BCKDHB: variants seen among roughly 807,000 people sequenced by gnomAD.
The protein encoded by BCKDHB is branched chain keto acid dehydrogenase E1 subunit beta.
BCKDHB carries 41 observed loss-of-function variants against 48.5 expected under a neutral mutation model. The observed-to-expected ratio is 0.85, with a 90% CI of 0.66 to 1.10. The LOEUF is 1.10. BCKDHB is among the 50% of genes least tolerant of loss of function. BCKDHB has a pLI of 0.00. For synonymous variants in BCKDHB, 201 were observed against 174.8 expected, an observed-to-expected ratio of 1.15 and a Z score of -1.18; for missense variants, 496 against 494.2, an observed-to-expected ratio of 1.00 and a Z score of -0.03.
In BCKDHB at chr6:80,143,725, G is replaced by A. The variant is rs573663856; in HGVS notation, c.343+14496G>A. ...CTGGTGAGCAGCTACACCCAAAGGC[G>A]GCTTTAGCAGTGAAATGCTTGACCT... On this transcript the variant is annotated intron_variant, in intron 3 of 9. Coordinates refer to ENST00000320393, the MANE Select transcript of BCKDHB (RefSeq NM_183050.4). Among the ~76,000 whole-genome samples the A allele has an allele frequency of 1.4e-4, 21 of 152,242 alleles. No homozygotes were observed. The South Asian group carries it at 4.1e-3, about 30-fold the overall frequency.
chr6:80,249,388 C>T (rs1776745379), intron 8 of BCKDHB, among the ~76,000 whole-genome samples: 1 of 152,052 alleles, frequency 6.6e-6, no homozygotes, highest in South Asian at 2.1e-4. Flanking sequence ...GTTTACTCCT[C>T]CATCCTGGAG....
At chr6:80,108,359 A>T (rs868676524) in intron 1 of BCKDHB, among the ~76,000 whole-genome samples, 3 of 151,150 alleles carry the variant, frequency 2.0e-5, no homozygotes, top group African/African-American at 7.3e-5. Context: ...CTGTCTTCAA[A>T]GCAAATTCTG....
intron 3 of BCKDHB, among the ~76,000 whole-genome samples, chr6:80,164,582 T>G (rs1490978453): frequency 6.6e-6 from 1 of 152,222 alleles, no homozygotes; most frequent in Non-Finnish European, 1.5e-5. Context: ...TGAGGAATGT[T>G]TTCGTTTTGT....
chr6:80,199,770 TCAAA>T (rs1562129748), intron 6 of BCKDHB, among the ~76,000 whole-genome samples: 1 of 39,632 alleles, frequency 2.5e-5, no homozygotes. Context: ...AGACTCTGTC[TCAAA>T]AAAAAAAAAA....
chr6:80,130,203 A>G (rs1314919223), intron 3 of BCKDHB, among the ~76,000 whole-genome samples: 1 of 152,100 alleles, frequency 6.6e-6, no homozygotes, highest in Non-Finnish European at 1.5e-5. Context: ...TTGACATTTT[A>G]TTTTTTGTCT....
chr6:80,275,661 A>C (rs948129960), intron 9 of BCKDHB, among the ~76,000 whole-genome samples: 1 of 151,986 alleles, frequency 6.6e-6, no homozygotes, highest in African/African-American at 2.4e-5. Flanking sequence ...TAGAAAAAAA[A>C]CTAGACACTT....
intron 8 of BCKDHB, among the ~76,000 whole-genome samples, chr6:80,214,451 T>A (rs1775076935): frequency 6.6e-6 from 1 of 152,354 alleles, no homozygotes; most frequent in Non-Finnish European, 1.5e-5. Flanking sequence ...TTACTTGAAC[T>A]TAAGTGAATA....
chr6:80,345,082 T>A lies in BCKDHB; in HGVS notation c.*1278T>A, dbSNP rs1158233001. ...TTTTTACATAATGGATAATAAATGGTATTTATTCATCATGATTTTCTAAGT... is the reference window on the plus strand; with the variant it reads ...TTTTTACATAATGGATAATAAATGGAATTTATTCATCATGATTTTCTAAGT... On this transcript the variant is annotated 3_prime_UTR_variant, in exon 10 of 10. Coordinates refer to ENST00000320393, the MANE Select transcript of BCKDHB (RefSeq NM_183050.4). 3 of 152,202 alleles carry A rather than the reference T, an allele frequency of 2.0e-5. No individual in the cohort carries two copies. Among genetic ancestry groups the A allele is most frequent in the African/African-American group, 7.2e-5 (3 of 41,456 alleles). 9.4% of individuals were successfully genotyped at this position (152,202 alleles called of 1,614,324 possible). A position where few individuals can be genotyped will look rare whatever the true frequency, so the allele number is the denominator to read the frequency against.
the BCKDHB span, among the ~76,000 whole-genome samples, chr6:80,381,411 A>C: frequency 6.6e-6 from 1 of 152,070 alleles, no homozygotes; most frequent in Non-Finnish European, 1.5e-5. Context: ...ACAATCGATA[A>C]AGCCATAAAC....
At chr6:80,325,791 C>A (rs1185451017) in intron 9 of BCKDHB, among the ~76,000 whole-genome samples, 1 of 152,126 alleles carries the variant, frequency 6.6e-6, no homozygotes, top group Non-Finnish European at 1.5e-5. Flanking sequence ...AATCTCATAA[C>A]CCCAGTTCAG....
chr6:80,402,041 A>G, the BCKDHB span, among the ~76,000 whole-genome samples: 2 of 151,824 alleles, frequency 1.3e-5, no homozygotes, highest in African/African-American at 4.8e-5. Flanking sequence ...CTGTTTCCAT[A>G]TCTTGATTAT....
intron 9 of BCKDHB, among the ~76,000 whole-genome samples, chr6:80,322,539 C>T (rs773745543): frequency 9.2e-5 from 14 of 152,158 alleles, no homozygotes; most frequent in South Asian, 2.1e-4. Flanking sequence ...ACCTGGCAGA[C>T]GTGTGTTTTC....
At chr6:80,118,593 T>C (rs143008153) in intron 1 of BCKDHB, among the ~76,000 whole-genome samples, 223 of 152,250 alleles carry the variant, frequency 1.5e-3, no homozygotes, top group African/African-American at 5.3e-3. Context: ...GATTTCTCTG[T>C]AGCATGAGAT....
intron 9 of BCKDHB, among the ~76,000 whole-genome samples, chr6:80,320,511 T>G (rs1768668131): frequency 6.6e-6 from 1 of 152,206 alleles, no homozygotes; most frequent in Non-Finnish European, 1.5e-5. Flanking sequence ...TCATTTCTAG[T>G]TCTTCACTAA....
At chr6:80,232,307 T>A (rs62408577) in intron 8 of BCKDHB, among the ~76,000 whole-genome samples, 49,512 of 151,202 alleles carry the variant, frequency 0.33, 8,711 homozygotes, top group Non-Finnish European at 0.41. Context: ...TACTTCTGAT[T>A]GGGAAACCAG....
At chr6:80,128,440 A>G (rs1217512709) in intron 2 of BCKDHB, among the ~76,000 whole-genome samples, 2 of 152,136 alleles carry the variant, frequency 1.3e-5, no homozygotes, top group African/African-American at 4.8e-5. Context: ...AGGTACGTTT[A>G]TGAGACTAGC....
chr6:80,235,283 A>G (rs1776103786), intron 8 of BCKDHB, among the ~76,000 whole-genome samples: 1 of 152,176 alleles, frequency 6.6e-6, no homozygotes, highest in East Asian at 1.9e-4. Flanking sequence ...AATATGTACA[A>G]CTGTTATGTG....
the BCKDHB span, among the ~76,000 whole-genome samples, chr6:80,413,476 G>C: frequency 1.3e-5 from 2 of 152,096 alleles, no homozygotes; most frequent in Admixed American, 1.3e-4. Flanking sequence ...ATAGGCTCCA[G>C]TGTGTGTTGT....
At chr6:80,413,983 A>G in the BCKDHB span, among the ~76,000 whole-genome samples, 3 of 152,138 alleles carry the variant, frequency 2.0e-5, no homozygotes, top group Non-Finnish European at 2.9e-5. Flanking sequence ...ATTTTTTAAT[A>G]ACAGCCATTC....
Sources: gnomAD v4.1 joint callset for allele counts (sites outside exome capture counted in the v4.1 genomes callset) on GRCh38, gnomAD v4.1.1 for gene constraint, MANE v1.5 for transcripts, NCBI Gene and HGNC (gene_info 2026-07-23, HGNC 2026-07-21) for gene names.